Variants in CAMKV observed in about 807,000 individuals in gnomAD.
CAMKV encodes the protein caM kinase-like vesicle-associated protein.
CAMKV carries 5 observed loss-of-function variants against 50.2 expected under a neutral mutation model. The observed-to-expected ratio is 0.10, with a 90% CI of 0.05 to 0.21. The LOEUF (loss-of-function observed/expected upper bound fraction) is 0.21, where lower values mean the gene tolerates loss of function less well. Among genes scored for constraint, CAMKV ranks in the 10% least tolerant of loss-of-function variants. CAMKV has a pLI of 1.00. For synonymous variants in CAMKV, 229 were observed against 250.1 expected (o/e 0.92, Z 0.80); for missense variants, 361 against 650.5 (o/e 0.55, Z 4.84).
In CAMKV at chr3:49,859,171, C is replaced by A; in HGVS notation, c.*147G>T. The A allele has an allele frequency of 1.4e-6, 1 of 720,602 alleles. No homozygotes were observed. The highest frequency in any genetic ancestry group is 2.2e-6 in the Non-Finnish European group (1 of 447,594). 44.6% of individuals were successfully genotyped at this position (720,602 alleles called of 1,614,324 possible). On this transcript the variant is annotated 3_prime_UTR_variant, in exon 11 of 11. Coordinates refer to ENST00000477224, the MANE Select transcript of CAMKV (RefSeq NM_024046.5). The surrounding 1 kb of genome is among the most constrained non-coding windows in gnomAD (Gnocchi z 5.5). Reference sequence around the variant, plus strand: ...ACACACAGGAGACGAGACTGCTCTCCCGTGACCCCTAGTTATGCCCCACTG... The same window carrying A: ...ACACACAGGAGACGAGACTGCTCTCACGTGACCCCTAGTTATGCCCCACTG...
chr3:49,864,155 T>G (rs1234525820), intron 1 of CAMKV, among the ~76,000 whole-genome samples: 1 of 152,254 alleles, frequency 6.6e-6, no homozygotes, highest in Non-Finnish European at 1.5e-5. Context: ...TAGTAAATAC[T>G]GCACTCAGGC....
intron 1 of CAMKV, among the ~76,000 whole-genome samples, chr3:49,866,791 G>C (rs1019408713): frequency 5.9e-5 from 9 of 152,242 alleles, no homozygotes; most frequent in African/African-American, 2.2e-4. Flanking sequence ...CTTTAGGTAA[G>C]TCTGGCCCAG....
chr3:49,860,594 C>T lies in CAMKV; in HGVS notation c.776-45G>A, dbSNP rs370314636. Reference sequence around the variant, plus strand: ...GGGGATAGTCATGGGCACCCCATCTCAATGTCTAGAGGTGATAAATGGGCT... The same window carrying T: ...GGGGATAGTCATGGGCACCCCATCTTAATGTCTAGAGGTGATAAATGGGCT... On this transcript the variant is annotated intron_variant, in intron 8 of 10. Coordinates refer to ENST00000477224, the MANE Select transcript of CAMKV (RefSeq NM_024046.5). This position sits in a 1 kb window ranked among gnomAD's most constrained non-coding sequence, Gnocchi z 6.1. 2.8e-5 allele frequency: 45 copies of T among 1,611,062 alleles called. No homozygotes were observed. The highest frequency in any genetic ancestry group is 8.4e-5 in the Admixed American group (5 of 59,680).
Position 49,859,616 on chromosome 3 carries a change from G to T in CAMKV, c.1208C>A (p.Thr403Asn), listed in dbSNP as rs1265610524. 4 of 1,614,154 alleles carry T rather than the reference G, an allele frequency of 2.5e-6. No individual in the cohort carries two copies. In the South Asian group the frequency reaches 4.4e-5, roughly 18 times the overall value. ...SATPATDGSV[T>N]PATDGSITPA... ...AGTGATGCTTCCATCGGTGGCTGGGGTGACACTGCCATCAGTGGCTGGGGT... is the reference window on the plus strand; with the variant it reads ...AGTGATGCTTCCATCGGTGGCTGGGTTGACACTGCCATCAGTGGCTGGGGT... Residue 403 changes from threonine to asparagine, a missense_variant, in exon 11 of 11, where the codon ACC becomes AAC. This residue lies in a region of CAMKV where 27 missense variants were observed against 59.9 expected (regional missense o/e 0.45). Transcript: ENST00000477224. This position sits in a 1 kb window ranked among gnomAD's most constrained non-coding sequence, Gnocchi z 5.5.
In CAMKV at chr3:49,860,322, C is replaced by G. The variant is rs1353718228; in HGVS notation, c.855-64G>C. ...AGCCTTTGTGGAGACTCTGCTCAGCCCTTCTATGTGGCATCCAGGGACTAC... is the reference window on the plus strand; with the variant it reads ...AGCCTTTGTGGAGACTCTGCTCAGCGCTTCTATGTGGCATCCAGGGACTAC... On this transcript the variant is annotated intron_variant, in intron 9 of 10. Coordinates refer to ENST00000477224, the MANE Select transcript of CAMKV (RefSeq NM_024046.5). This position sits in a 1 kb window ranked among gnomAD's most constrained non-coding sequence, Gnocchi z 6.1. 6.4e-7 allele frequency: 1 copy of G among 1,563,270 alleles called. No homozygotes were observed. Among genetic ancestry groups the G allele is most frequent in the Non-Finnish European group, 8.8e-7 (1 of 1,134,512 alleles).
At chr3:49,868,317 C>A (rs28478136) in intron 1 of CAMKV, among the ~76,000 whole-genome samples, 1 of 152,132 alleles carries the variant, frequency 6.6e-6, no homozygotes, top group East Asian at 1.9e-4. Flanking sequence ...CCCAGAGCCC[C>A]TCTTACAGCT....
chr3:49,859,393 G>T lies in CAMKV; in HGVS notation c.1431C>A (p.Gly477=). 6.3e-7 allele frequency: 1 copy of T among 1,595,460 alleles called. No homozygotes were observed. Among genetic ancestry groups the T allele is most frequent in the Non-Finnish European group, 8.6e-7 (1 of 1,168,292 alleles). The part of the protein sequence containing the change: ...PDSTAPEGAT[G]QAPPSSKGEE... ...CCCCTTTACTAGAGGGTGGAGCCTG[G>T]CCTGTGGCGCCCTCTGGGGCTGTGC... The change falls in exon 11 of 11, where the codon GGC becomes GGA. Residue 477 remains glycine, a synonymous_variant. Coordinates refer to ENST00000477224, the MANE Select transcript of CAMKV (RefSeq NM_024046.5). This position sits in a 1 kb window ranked among gnomAD's most constrained non-coding sequence, Gnocchi z 5.5.
chr3:49,864,813 C>T (rs2082051515), intron 1 of CAMKV, among the ~76,000 whole-genome samples: 1 of 152,166 alleles, frequency 6.6e-6, no homozygotes. Flanking sequence ...CTCACAGCCT[C>T]AAGGTAGTGG....
chr3:49,868,420 A>G (rs1010593390), intron 1 of CAMKV, among the ~76,000 whole-genome samples: 1 of 152,156 alleles, frequency 6.6e-6, no homozygotes, highest in Non-Finnish European at 1.5e-5. Flanking sequence ...GGATAACCAC[A>G]CAGCCCTTCA....
In CAMKV at chr3:49,864,053, A is replaced by G. The variant is rs1341743315; in HGVS notation, c.-14-1651T>C. ...GGAAATAAGAGTTCTCTCCTGGGCA[A>G]AGAATTGGATGTCAAAAAGGCAGAC... On this transcript the variant is annotated intron_variant, in intron 1 of 10. Transcript: ENST00000477224. 3.3e-5 allele frequency among the ~76,000 whole-genome samples: 5 copies of G among 152,304 alleles called. No homozygotes were observed. The East Asian group carries it at 9.6e-4, about 29-fold the overall frequency.
Position 49,859,918 on chromosome 3 carries a change from G to A in CAMKV, c.943-37C>T. On this transcript the variant is annotated intron_variant, in intron 10 of 10. Transcript: ENST00000477224. This position sits in a 1 kb window ranked among gnomAD's most constrained non-coding sequence, Gnocchi z 5.5. The stretch of plus-strand genomic sequence containing the variant: ...ACAGTGGAGAAAGGCTAAGGGTGAG[G>A]CTTGCTGGATCCATTGCTTGGCAGT... 1 of 1,496,944 alleles carries A rather than the reference G, an allele frequency of 6.7e-7. No individual in the cohort carries two copies. The highest frequency in any genetic ancestry group is 8.9e-7 in the Non-Finnish European group (1 of 1,128,224). The allele number at this position is 1,496,944 out of a possible 1,614,324, so 92.7% of individuals were successfully genotyped here. A position where few individuals can be genotyped will look rare whatever the true frequency, so the allele number is the denominator to read the frequency against.
rs2082006952 is a variant in CAMKV, at chr3:49,859,889, G to T, written c.943-8C>A. The T allele has an allele frequency of 6.6e-7, 1 of 1,509,350 alleles. No individual in the cohort carries two copies. The highest frequency in any genetic ancestry group is 2.3e-5 in the East Asian group (1 of 44,146). 93.5% of individuals were successfully genotyped at this position (1,509,350 alleles called of 1,614,324 possible). ...GGTCACTCGGACAGCCTTCTGAAAGGAGCACAGTGGAGAAAGGCTAAGGGT... is the reference window on the plus strand; with the variant it reads ...GGTCACTCGGACAGCCTTCTGAAAGTAGCACAGTGGAGAAAGGCTAAGGGT... On this transcript the variant is annotated splice_region_variant and splice_polypyrimidine_tract_variant and intron_variant, in intron 10 of 10. Coordinates refer to ENST00000477224, the MANE Select transcript of CAMKV (RefSeq NM_024046.5). This position sits in a 1 kb window ranked among gnomAD's most constrained non-coding sequence, Gnocchi z 5.5.
intron 1 of CAMKV, among the ~76,000 whole-genome samples, chr3:49,864,063 TG>T (rs2082045191): frequency 6.6e-6 from 1 of 152,218 alleles, no homozygotes; most frequent in African/African-American, 2.4e-5. Flanking sequence ...AAGAATTGGA[TG>T]TCAAAAAGGC....
Position 49,861,876 on chromosome 3 carries a change from G to T in CAMKV, c.228-11C>A. The T allele has an allele frequency of 6.2e-7, 1 of 1,613,556 alleles. No homozygotes were observed. On this transcript the variant is annotated splice_polypyrimidine_tract_variant and intron_variant, in intron 3 of 10. Coordinates refer to ENST00000477224, the MANE Select transcript of CAMKV (RefSeq NM_024046.5). This position sits in a 1 kb window ranked among gnomAD's most constrained non-coding sequence, Gnocchi z 7.7. The stretch of plus-strand genomic sequence containing the variant: ...TTGGGATGCTTCACCCTGGCGACAG[G>T]GAGGGGAGCCAGTAGTTAGGGCTGG...
chr3:49,865,316 T>A (rs2082056045), intron 1 of CAMKV, among the ~76,000 whole-genome samples: 1 of 152,088 alleles, frequency 6.6e-6, no homozygotes, highest in South Asian at 2.1e-4. Context: ...GGAGGGGGCC[T>A]GCAACAGTCA....
chr3:49,865,730 A>T (rs1320731754), intron 1 of CAMKV, among the ~76,000 whole-genome samples: 2 of 152,150 alleles, frequency 1.3e-5, no homozygotes, highest in Non-Finnish European at 2.9e-5. Context: ...TGTGCAACAC[A>T]TTGTCCAAAA....
Position 49,858,686 on chromosome 3 carries a change from T to G in CAMKV, c.*632A>C. The G allele has an allele frequency of 7.5e-5, 17 of 225,168 alleles. No homozygotes were observed. The highest frequency in any genetic ancestry group is 1.4e-3 in the Middle Eastern group (1 of 698). The allele number at this position is 225,168 out of a possible 1,614,324, so 13.9% of individuals were successfully genotyped here. On this transcript the variant is annotated 3_prime_UTR_variant, in exon 11 of 11. Coordinates refer to ENST00000477224, the MANE Select transcript of CAMKV (RefSeq NM_024046.5). Reference sequence around the variant, plus strand: ...TAGGAAGGACAAAAATGGAAGCTTCTGCCCTCCTACTCATTCTCTCCACTC... The same window carrying G: ...TAGGAAGGACAAAAATGGAAGCTTCGGCCCTCCTACTCATTCTCTCCACTC...
chr3:49,867,685 T>G (rs190790953), intron 1 of CAMKV, among the ~76,000 whole-genome samples: 2 of 152,234 alleles, frequency 1.3e-5, no homozygotes, highest in Admixed American at 1.3e-4. Context: ...CCTGGCTGCT[T>G]CTTCAAGGTT....
chr3:49,859,855 C>T lies in CAMKV; in HGVS notation c.969G>A (p.Met323Ile). ...WKKAVRVTTL[M>I]KRLRAPEQSS... ...ACTGCTCTGGTGCCCGGAGCCGTTT[C>T]ATGAGGGTGGTCACTCGGACAGCCT... The change falls in exon 11 of 11, where the codon ATG (methionine) becomes ATA (isoleucine). Residue 323 changes from methionine to isoleucine, a missense_variant. Coordinates refer to ENST00000477224, the MANE Select transcript of CAMKV (RefSeq NM_024046.5). The surrounding 1 kb of genome is among the most constrained non-coding windows in gnomAD (Gnocchi z 5.5). 6.6e-7 allele frequency: 1 copy of T among 1,514,144 alleles called. No homozygotes were observed. The highest frequency in any genetic ancestry group is 8.8e-7 in the Non-Finnish European group (1 of 1,138,900). 93.8% of individuals were successfully genotyped at this position (1,514,144 alleles called of 1,614,324 possible). A position where few individuals can be genotyped will look rare whatever the true frequency, so the allele number is the denominator to read the frequency against.
Sources: allele counts gnomAD v4.1 joint callset (sites outside exome capture counted in the v4.1 genomes callset), GRCh38; gene constraint gnomAD v4.1.1; regional missense constraint gnomAD v4.1.1; non-coding constraint Gnocchi (gnomAD v3.1); transcripts MANE v1.5; gene names NCBI Gene and HGNC (gene_info 2026-07-23, HGNC 2026-07-21).